KCTD8: variants seen among roughly 807,000 people sequenced by gnomAD.
KCTD8 encodes the protein BTB/POZ domain-containing protein KCTD8.
A neutral mutation model predicts 31.5 loss-of-function variants in KCTD8; 27 were observed. The observed-to-expected ratio is 0.86, with a 90% CI of 0.63 to 1.18. The LOEUF (loss-of-function observed/expected upper bound fraction) is 1.18, where lower values mean the gene tolerates loss of function less well. Ranked by LOEUF, KCTD8 falls within the 50% of genes most tolerant of loss-of-function variation. KCTD8 has a pLI of 0.00. For synonymous variants in KCTD8, 290 were observed against 280.0 expected (o/e 1.04, Z -0.36); for missense variants, 658 against 647.7 (o/e 1.02, Z -0.17).
At chr4:44,308,533 T>C (rs939579161) in intron 1 of KCTD8, among the ~76,000 whole-genome samples, 1 of 151,890 alleles carries the variant, frequency 6.6e-6, no homozygotes, top group African/African-American at 2.4e-5. Flanking sequence ...ATCTATATGA[T>C]TTTGTATTTC....
chr4:44,204,362 C>T (rs1714241057), intron 1 of KCTD8, among the ~76,000 whole-genome samples: 1 of 152,046 alleles, frequency 6.6e-6, no homozygotes, highest in Non-Finnish European at 1.5e-5. Context: ...ACACCCTGGG[C>T]CTAGTAGTTA....
intron 1 of KCTD8, among the ~76,000 whole-genome samples, chr4:44,286,057 T>C (rs1717061134): frequency 6.6e-6 from 1 of 152,130 alleles, no homozygotes; most frequent in African/African-American, 2.4e-5. Flanking sequence ...TGGTCACATC[T>C]CAGTCTCCTT....
chr4:44,176,623 G>T (rs1397637747), intron 1 of KCTD8, among the ~76,000 whole-genome samples: 1 of 152,018 alleles, frequency 6.6e-6, no homozygotes, highest in African/African-American at 2.4e-5. Context: ...AGAAACATAA[G>T]TCAATGCCAA....
intron 1 of KCTD8, among the ~76,000 whole-genome samples, chr4:44,441,845 G>C (rs1310147371): frequency 6.6e-6 from 1 of 152,154 alleles, no homozygotes; most frequent in Non-Finnish European, 1.5e-5. Context: ...TCTGTACCTT[G>C]AAATAATCAA....
At chr4:44,430,032 T>TA (rs79030359) in intron 1 of KCTD8, among the ~76,000 whole-genome samples, 15,813 of 150,490 alleles carry the variant, frequency 0.11, 1,729 homozygotes, top group African/African-American at 0.26. Context: ...CTGGGGGGTT[T>TA]AAAAAAAAAC....
intron 1 of KCTD8, among the ~76,000 whole-genome samples, chr4:44,420,862 A>T (rs1407434659): frequency 1.3e-5 from 2 of 152,170 alleles, no homozygotes; most frequent in South Asian, 4.1e-4. Flanking sequence ...TAAAAGAGTC[A>T]GAAAATAAAG....
intron 1 of KCTD8, among the ~76,000 whole-genome samples, chr4:44,300,732 A>C (rs1437319683): frequency 6.6e-6 from 1 of 152,052 alleles, no homozygotes; most frequent in Non-Finnish European, 1.5e-5. Flanking sequence ...TTTTATTATT[A>C]TACTTTAAGT....
chr4:44,272,883 T>C (rs1716653696), intron 1 of KCTD8, among the ~76,000 whole-genome samples: 1 of 152,076 alleles, frequency 6.6e-6, no homozygotes. Flanking sequence ...ATAAATTCTT[T>C]TTCTCAATCG....
rs369197726 is a variant in KCTD8, at chr4:44,301,911, G to A, written c.962-126661C>T. On this transcript the variant is annotated intron_variant, in intron 1 of 1. Coordinates refer to ENST00000360029, the MANE Select transcript of KCTD8 (RefSeq NM_198353.3). ...ATTTTTGTATAAGGTGTAAGGAAGG[G>A]ATCCAGTTTCAGCTTTCTACATATG... Among the ~76,000 whole-genome samples, 406 of 152,228 alleles carry A rather than the reference G, an allele frequency of 2.7e-3. 1 individual carries two copies. The highest frequency in any genetic ancestry group is 0.01 in the Middle Eastern group (3 of 294).
intron 1 of KCTD8, among the ~76,000 whole-genome samples, chr4:44,408,991 C>A (rs1487976068): frequency 6.6e-6 from 1 of 151,658 alleles, no homozygotes; most frequent in Non-Finnish European, 1.5e-5. Flanking sequence ...ACCTGTAACC[C>A]TAGTACTTTG....
At chr4:44,261,396 A>T (rs930930236) in intron 1 of KCTD8, among the ~76,000 whole-genome samples, 6 of 152,024 alleles carry the variant, frequency 3.9e-5, no homozygotes, top group African/African-American at 1.4e-4. Flanking sequence ...TATGTTATAT[A>T]ACCTCATGGG....
chr4:44,238,498 T>C (rs988387621), intron 1 of KCTD8, among the ~76,000 whole-genome samples: 2 of 152,258 alleles, frequency 1.3e-5, no homozygotes, highest in South Asian at 4.1e-4. Context: ...AATGATTATA[T>C]GTGGAATCAA....
chr4:44,214,975 C>T (rs1714606770), intron 1 of KCTD8, among the ~76,000 whole-genome samples: 1 of 152,174 alleles, frequency 6.6e-6, no homozygotes, highest in African/African-American at 2.4e-5. Flanking sequence ...GACAAATCAG[C>T]TGGCATCATT....
At chr4:44,271,318 GATA>G (rs549354212) in intron 1 of KCTD8, among the ~76,000 whole-genome samples, 6 of 152,226 alleles carry the variant, frequency 3.9e-5, no homozygotes, top group African/African-American at 1.2e-4. Context: ...AATCAATCAT[GATA>G]GAGATATATT....
At chr4:44,418,058 T>C (rs1721119186) in intron 1 of KCTD8, among the ~76,000 whole-genome samples, 1 of 152,056 alleles carries the variant, frequency 6.6e-6, no homozygotes, top group Non-Finnish European at 1.5e-5. Flanking sequence ...ATTCAAATAG[T>C]TTGATGAATG....
intron 1 of KCTD8, among the ~76,000 whole-genome samples, chr4:44,439,900 T>TTTTATTTATTTA (rs59211244): frequency 1.9e-4 from 26 of 133,438 alleles, no homozygotes; most frequent in South Asian, 6.7e-4. Flanking sequence ...AATCATTTAT[T>TTTTATTTATTTA]TTTATTTATT....
intron 1 of KCTD8, among the ~76,000 whole-genome samples, chr4:44,302,307 G>T (rs1352705294): frequency 6.6e-6 from 1 of 152,112 alleles, no homozygotes; most frequent in African/African-American, 2.4e-5. Context: ...ATTACCTTGG[G>T]CAGGATGGCC....
At chr4:44,307,901 A>G (rs10004017) in intron 1 of KCTD8, among the ~76,000 whole-genome samples, 75,350 of 151,692 alleles carry the variant, frequency 0.5, 18,897 homozygotes, top group Middle Eastern at 0.61. Context: ...TATTCAATGT[A>G]TAACATTTTA....
chr4:44,391,630 G>A (rs1479027986), intron 1 of KCTD8, among the ~76,000 whole-genome samples: 1 of 151,616 alleles, frequency 6.6e-6, no homozygotes, highest in African/African-American at 2.4e-5. Flanking sequence ...AAAACTATGT[G>A]TTAATCAACT....
Sources: gnomAD v4.1 joint callset for allele counts (sites outside exome capture counted in the v4.1 genomes callset) on GRCh38, gnomAD v4.1.1 for gene constraint, MANE v1.5 for transcripts, NCBI Gene and HGNC (gene_info 2026-07-23, HGNC 2026-07-21) for gene names.